The following CEP128 variants were observed in gnomAD, a reference collection of about 807,000 sequenced individuals.
CEP128 encodes the protein centrosomal protein 128.
Under a neutral mutation model 156.7 loss-of-function variants are expected in CEP128, and 132 were observed. The observed-to-expected ratio is 0.84, with a 90% CI of 0.73 to 0.97. The LOEUF is 0.97. Ranked by LOEUF, CEP128 falls within the 50% of genes least tolerant of loss-of-function variation. CEP128 has a pLI of 0.00. For synonymous variants in CEP128, 469 were observed against 448.9 expected, an observed-to-expected ratio of 1.04 and a Z score of -0.57; for missense variants, 1,252 against 1,281.9, an observed-to-expected ratio of 0.98 and a Z score of 0.36.
chr14:80,853,989 G>A (rs984671494), intron 9 of CEP128, among the ~76,000 whole-genome samples: 1 of 151,788 alleles, frequency 6.6e-6, no homozygotes, highest in Non-Finnish European at 1.5e-5. Flanking sequence ...AAATCCCCGG[G>A]GGGAAAGAGA....
chr14:80,877,108 T>A (rs1167061835), intron 8 of CEP128, among the ~76,000 whole-genome samples: 1 of 152,172 alleles, frequency 6.6e-6, no homozygotes, highest in African/African-American at 2.4e-5. Flanking sequence ...AAAGAATTAA[T>A]TTATATTAGT....
chr14:80,843,488 T>G (rs1886444522), intron 9 of CEP128, among the ~76,000 whole-genome samples: 1 of 152,090 alleles, frequency 6.6e-6, no homozygotes, highest in East Asian at 1.9e-4. Context: ...CAGCATCATT[T>G]ACTTGAAGGT....
chr14:80,690,245 A>T (rs902254459), intron 19 of CEP128, among the ~76,000 whole-genome samples: 3 of 100,534 alleles, frequency 3.0e-5, no homozygotes, highest in African/African-American at 9.2e-5. Context: ...TGTCTCTATT[A>T]AAAAAAAAAA....
intron 19 of CEP128, 122 bp downstream of exon 19, chr14:80,742,952 GA>G: frequency 1.3e-6 from 1 of 796,662 alleles, no homozygotes; most frequent in East Asian, 2.5e-5. Context: ...ACAAAGACAA[GA>G]AAAGGAGATG....
At chr14:80,798,370 G>A (rs999211450) in intron 13 of CEP128, among the ~76,000 whole-genome samples, 3 of 152,314 alleles carry the variant, frequency 2.0e-5, no homozygotes, top group Admixed American at 6.5e-5. Flanking sequence ...AAAGGCACAC[G>A]AAGTGAAGTC....
intron 19 of CEP128, among the ~76,000 whole-genome samples, chr14:80,718,422 TA>T (rs983937163): frequency 2.0e-5 from 3 of 152,216 alleles, no homozygotes; most frequent in African/African-American, 7.2e-5. Flanking sequence ...ATATATGGCA[TA>T]AAAAGACAAC....
chr14:80,806,940 A>G (rs1284311311), intron 13 of CEP128, among the ~76,000 whole-genome samples: 4 of 151,806 alleles, frequency 2.6e-5, no homozygotes, highest in Middle Eastern at 3.4e-3. Context: ...ATTATCTCAC[A>G]TAATACAGTA....
intron 18 of CEP128, among the ~76,000 whole-genome samples, chr14:80,747,589 A>T (rs1899168177): frequency 6.6e-6 from 1 of 152,184 alleles, no homozygotes; most frequent in African/African-American, 2.4e-5. Context: ...TGGGCGGATT[A>T]CAAGGTCAGG....
chr14:80,538,749 A>G (rs144131580), intron 21 of CEP128, among the ~76,000 whole-genome samples: 1 of 152,304 alleles, frequency 6.6e-6, no homozygotes, highest in Admixed American at 6.5e-5. Flanking sequence ...GAAAAGCACA[A>G]ATCCTAAGTG....
chr14:80,794,060 C>A (rs186019386), intron 13 of CEP128, among the ~76,000 whole-genome samples: 81 of 152,188 alleles, frequency 5.3e-4, no homozygotes, highest in Non-Finnish European at 9.1e-4. Flanking sequence ...TTTCCAAATA[C>A]TTAGTGGCAA....
chr14:80,759,401 T>C (rs952711464), intron 17 of CEP128, among the ~76,000 whole-genome samples: 7 of 152,192 alleles, frequency 4.6e-5, no homozygotes, highest in African/African-American at 9.6e-5. Flanking sequence ...TATTCCTTTT[T>C]TGAAAACATT....
At chr14:80,666,623 T>C (rs1459257231) in intron 19 of CEP128, among the ~76,000 whole-genome samples, 2 of 151,728 alleles carry the variant, frequency 1.3e-5, no homozygotes, top group Non-Finnish European at 2.9e-5. Context: ...GAGAGCCTAC[T>C]GCATAAATAA....
At chr14:80,957,285 C>T (rs145563337) in intron 2 of CEP128, among the ~76,000 whole-genome samples, 1 of 152,210 alleles carries the variant, frequency 6.6e-6, no homozygotes, top group East Asian at 1.9e-4. Flanking sequence ...GCTATACCCC[C>T]CTTCCCAACA....
chr14:80,647,391 G>A (rs112093167), intron 19 of CEP128, among the ~76,000 whole-genome samples: 1 of 151,752 alleles, frequency 6.6e-6, no homozygotes, highest in African/African-American at 2.4e-5. Flanking sequence ...ACTTCAAATA[G>A]TCTAATAATT....
intron 16 of CEP128, among the ~76,000 whole-genome samples, chr14:80,776,228 A>G (rs1007543465): frequency 6.6e-6 from 1 of 152,144 alleles, no homozygotes; most frequent in Non-Finnish European, 1.5e-5. Context: ...CTAACTTCAT[A>G]ATTTCATAAA....
chr14:80,633,732 T>C (rs1345679830), intron 19 of CEP128, among the ~76,000 whole-genome samples: 2 of 152,178 alleles, frequency 1.3e-5, no homozygotes, highest in Non-Finnish European at 2.9e-5. Flanking sequence ...CTGTATCTTC[T>C]TTGCATAGCT....
intron 19 of CEP128, among the ~76,000 whole-genome samples, chr14:80,588,739 T>A (rs1891923530): frequency 6.6e-6 from 1 of 152,106 alleles, no homozygotes; most frequent in Non-Finnish European, 1.5e-5. Flanking sequence ...ATCTTACAAA[T>A]CCTTTCCTTA....
downstream of CEP128, among the ~76,000 whole-genome samples, chr14:80,494,019 A>T (rs193025324): frequency 8.4e-3 from 1,277 of 152,250 alleles, 3 homozygotes; most frequent in Non-Finnish European, 0.014. Flanking sequence ...CTTAAATTAG[A>T]TGTGTCGTGT....
chr14:80,620,234 G>A (rs1231449270), intron 19 of CEP128, among the ~76,000 whole-genome samples: 3 of 152,112 alleles, frequency 2.0e-5, no homozygotes, highest in Non-Finnish European at 4.4e-5. Flanking sequence ...GTACTAAAAA[G>A]CTATGAAGTT....
Sources: gnomAD v4.1 joint callset for allele counts (sites outside exome capture counted in the v4.1 genomes callset) on GRCh38, gnomAD v4.1.1 for gene constraint, MANE v1.5 for transcripts, NCBI Gene and HGNC (gene_info 2026-07-23, HGNC 2026-07-21) for gene names.